HCN4: variants seen among roughly 807,000 people sequenced by gnomAD.
HCN4 encodes hyperpolarization activated cyclic nucleotide gated potassium channel 4.
In HCN4, 29 loss-of-function variants were observed where a neutral mutation model predicts 76.9. The ratio of observed to expected loss-of-function variants is 0.38; its 90% CI spans 0.28 to 0.51. HCN4 has a LOEUF of 0.51. Ranked by LOEUF, HCN4 falls within the 20% of genes least tolerant of loss-of-function variation. The pLI, the probability that HCN4 is intolerant of heterozygous loss-of-function variation, is 0.90. For synonymous variants in HCN4, 772 were observed against 762.5 expected (o/e 1.01, Z -0.21); for missense variants, 1,416 against 1,715.2 (o/e 0.83, Z 3.08).
chr15:73,362,734 C>A (rs1184207831), intron 1 of HCN4, among the ~76,000 whole-genome samples: 2 of 152,200 alleles, frequency 1.3e-5, no homozygotes, highest in Non-Finnish European at 2.9e-5. Context: ...AGGCAGCTAC[C>A]TGGCAGCCCA....
Position 73,322,560 on chromosome 15 carries a change from G to A in HCN4, c.3533C>T (p.Pro1178Leu), listed in dbSNP as rs2042866287. Residue 1178 changes from proline to leucine, a missense_variant, in exon 8 of 8, where the codon CCC (proline) becomes CTC (leucine). By Grantham distance (98) the Pro-to-Leu change is moderately conservative. Transcript: ENST00000261917. ...FGARATSSGGPPLTAGPQREP... is the reference protein window; with the variant it reads ...FGARATSSGGLPLTAGPQREP... ...CCTCTGGGGTCCAGCAGTCAGAGGGGGCCCCCCAGAAGAGGTGGCTCTTGC... is the reference window on the plus strand; with the variant it reads ...CCTCTGGGGTCCAGCAGTCAGAGGGAGCCCCCCAGAAGAGGTGGCTCTTGC... The A allele has an allele frequency of 2.5e-6, 4 of 1,607,846 alleles. No individual in the cohort carries two copies. Among genetic ancestry groups the A allele is most frequent in the African/African-American group, 1.3e-5 (1 of 74,966 alleles).
chr15:73,361,163 G>A (rs1306909311), intron 1 of HCN4, among the ~76,000 whole-genome samples: 1 of 152,184 alleles, frequency 6.6e-6, no homozygotes, highest in Non-Finnish European at 1.5e-5. Flanking sequence ...TTGGTGCATG[G>A]GATGCTGCTT....
rs2042895136 is a variant in HCN4, at chr15:73,325,699, G to A, written c.1591-255C>T. 2.0e-5 allele frequency among the ~76,000 whole-genome samples: 3 copies of A among 152,222 alleles called. No homozygotes were observed. Among genetic ancestry groups the A allele is most frequent in the South Asian group, 4.1e-4 (2 of 4,832 alleles). On this transcript the variant is annotated intron_variant, in intron 4 of 7. Transcript: ENST00000261917. The surrounding 1 kb of genome is among the most constrained non-coding windows in gnomAD (Gnocchi z 7.4). ...GCTCCTCGCTGTGTTCAATACTAAG[G>A]AGGTGGGTGAGGGCGGCAGGGAATG...
intron 4 of HCN4, among the ~76,000 whole-genome samples, chr15:73,329,264 G>C (rs931518243): frequency 4.6e-5 from 7 of 152,218 alleles, no homozygotes; most frequent in African/African-American, 1.7e-4. Context: ...AGGGCGTGGT[G>C]ACTGTCAAAT....
At chr15:73,347,368 T>C (rs1195844488) in intron 1 of HCN4, among the ~76,000 whole-genome samples, 1 of 152,164 alleles carries the variant, frequency 6.6e-6, no homozygotes, top group South Asian at 2.1e-4. Context: ...CAGATATGCC[T>C]TTCTGACACC....
intron 1 of HCN4, among the ~76,000 whole-genome samples, chr15:73,345,521 C>T (rs987061959): frequency 6.6e-6 from 1 of 152,126 alleles, no homozygotes; most frequent in African/African-American, 2.4e-5. Context: ...CACTTTACTA[C>T]AAAGAATGCA....
intron 3 of HCN4, among the ~76,000 whole-genome samples, chr15:73,331,005 C>T (rs901233642): frequency 1.3e-5 from 2 of 152,206 alleles, no homozygotes; most frequent in African/African-American, 4.8e-5. Context: ...CTGAAAGATG[C>T]CTCAGGGTCT....
chr15:73,337,865 C>T (rs1016818721), intron 2 of HCN4, among the ~76,000 whole-genome samples: 1 of 152,200 alleles, frequency 6.6e-6, no homozygotes, highest in Non-Finnish European at 1.5e-5. Flanking sequence ...GGGACACAGA[C>T]TTCCGTGTCC....
chr15:73,350,637 C>G (rs1185929152), intron 1 of HCN4, among the ~76,000 whole-genome samples: 1 of 152,194 alleles, frequency 6.6e-6, no homozygotes, highest in African/African-American at 2.4e-5. Flanking sequence ...TGTCCCCTTC[C>G]TCTTTCTGCC....
intron 2 of HCN4, among the ~76,000 whole-genome samples, chr15:73,339,911 C>T (rs913158073): frequency 2.6e-5 from 4 of 152,110 alleles, no homozygotes; most frequent in Non-Finnish European, 4.4e-5. Flanking sequence ...CCAGTGTGCC[C>T]GGCAGAAACT....
chr15:73,338,154 G>A (rs894049115), intron 2 of HCN4, among the ~76,000 whole-genome samples: 1 of 152,210 alleles, frequency 6.6e-6, no homozygotes. Flanking sequence ...AAGGCTGGAC[G>A]TTGCTGGGAG....
chr15:73,357,834 C>T (rs1283869625), intron 1 of HCN4, among the ~76,000 whole-genome samples: 1 of 152,106 alleles, frequency 6.6e-6, no homozygotes, highest in Non-Finnish European at 1.5e-5. Context: ...CCACGTGTCC[C>T]TGGCCCCCAG....
At position 73,328,641 on chromosome 15, in the gene HCN4, G is replaced by A. The variant is rs187562837; in HGVS notation, c.1590+932C>T. Among the ~76,000 whole-genome samples, 8 of 152,146 alleles carry A rather than the reference G, an allele frequency of 5.3e-5. No homozygotes were observed. The East Asian group carries it at 9.8e-4, about 19-fold the overall frequency. Reference sequence around the variant, plus strand: ...TGCAGATGAGGAAACGGGGCCTCACGCTGTGGAGGCACAGGCCCACGCTCA... The same window carrying A: ...TGCAGATGAGGAAACGGGGCCTCACACTGTGGAGGCACAGGCCCACGCTCA... On this transcript the variant is annotated intron_variant, in intron 4 of 7. Transcript: ENST00000261917. The surrounding 1 kb of genome is among the most constrained non-coding windows in gnomAD (Gnocchi z 4.0).
rs2042881431 is a variant in HCN4, at chr15:73,323,841, T to A, written c.2252A>T (p.Glu751Val). 6.2e-7 allele frequency: 1 copy of A among 1,605,328 alleles called. No homozygotes were observed. Among genetic ancestry groups the A allele is most frequent in the African/African-American group, 1.3e-5 (1 of 74,912 alleles). Reference protein sequence around the residue: ...IIQQIVQHDREMAHCAHRVQA... With the variant: ...IIQQIVQHDRVMAHCAHRVQA... ...GACGCGGTGCGCGCAGTGGGCCATC[T>A]CCCGGTCATGCTGCACAATCTGCTG... The change falls in exon 8 of 8, where the codon GAG (glutamate) becomes GTG (valine). Residue 751 changes from glutamate (E) to valine (V), a missense_variant. This residue lies in a region of HCN4 where 241 missense variants were observed against 379.4 expected (regional missense o/e 0.64). Coordinates refer to ENST00000261917, the MANE Select transcript of HCN4 (RefSeq NM_005477.3).
chr15:73,362,876 C>T (rs985202216), intron 1 of HCN4, among the ~76,000 whole-genome samples: 6 of 152,164 alleles, frequency 3.9e-5, no homozygotes, highest in African/African-American at 1.4e-4. Flanking sequence ...AACCTGGAGC[C>T]GAGGCCTCTC....
At position 73,368,172 on chromosome 15, in the gene HCN4, C is replaced by T; in HGVS notation, c.99G>A (p.Glu33=). Reference sequence around the variant, plus strand: ...CTTGGCGGCCCCCGGCCCCCTCCTCCTCGGCGTCCTCTTCCTCGTCCATGA... The same window carrying T: ...CTTGGCGGCCCCCGGCCCCCTCCTCTTCGGCGTCCTCTTCCTCGTCCATGA... ...AWIMDEEEDA[E]EEGAGGRQDP... is the part of the protein sequence containing the mutation. Residue 33 remains glutamate (E), a synonymous_variant, in exon 1 of 8, where the codon GAG becomes GAA. Transcript: ENST00000261917. This position sits in a 1 kb window ranked among gnomAD's most constrained non-coding sequence, Gnocchi z 6.9. 6.5e-7 allele frequency: 1 copy of T among 1,530,648 alleles called. No individual in the cohort carries two copies. The highest frequency in any genetic ancestry group is 8.8e-7 in the Non-Finnish European group (1 of 1,140,280). The allele number at this position is 1,530,648 out of a possible 1,614,324, so 94.8% of individuals were successfully genotyped here. A position where few individuals can be genotyped will look rare whatever the true frequency, so the allele number is the denominator to read the frequency against.
intron 2 of HCN4, among the ~76,000 whole-genome samples, chr15:73,332,756 G>A (rs1313875224): frequency 1.3e-5 from 2 of 152,162 alleles, no homozygotes; most frequent in South Asian, 2.1e-4. Flanking sequence ...ACTCACACAC[G>A]GTAGCCACGG....
chr15:73,324,608 G>A (rs540592794), intron 6 of HCN4, among the ~76,000 whole-genome samples: 2 of 152,172 alleles, frequency 1.3e-5, no homozygotes, highest in African/African-American at 4.8e-5. Flanking sequence ...GGAGGAGGCC[G>A]GGGAGCTGGC....
chr15:73,348,362 G>A (rs1050970150), intron 1 of HCN4, among the ~76,000 whole-genome samples: 10 of 152,178 alleles, frequency 6.6e-5, no homozygotes, highest in Admixed American at 2.0e-4. Flanking sequence ...ATATATACAC[G>A]CATGCACATG....
Sources: gnomAD v4.1 joint callset for allele counts (sites outside exome capture counted in the v4.1 genomes callset) on GRCh38, gnomAD v4.1.1 for gene constraint, gnomAD v4.1.1 regional missense constraint, Gnocchi (gnomAD v3.1) non-coding constraint, MANE v1.5 for transcripts, NCBI Gene and HGNC (gene_info 2026-07-23, HGNC 2026-07-21) for gene names.